Variants in AK8 observed in about 807,000 individuals in gnomAD.
The protein encoded by AK8 is adenylate kinase 8, also known as ATP-AMP transphosphorylase 8.
Under a neutral mutation model 54.6 loss-of-function variants are expected in AK8, and 44 were observed. The observed-to-expected ratio is 0.81, with a 90% CI of 0.63 to 1.04. AK8 has a LOEUF of 1.04. AK8 is among the 50% of genes least tolerant of loss of function. The probability of loss-of-function intolerance (pLI) is 0.00; values close to 1 mark genes in which losing one functional copy is unlikely to be tolerated. For synonymous variants in AK8, 239 were observed against 245.6 expected, an observed-to-expected ratio of 0.97 and a Z score of 0.25; for missense variants, 555 against 613.6, an observed-to-expected ratio of 0.90 and a Z score of 1.01.
At chr9:132,812,568 G>GCGCCCA in intron 10 of AK8, among the ~76,000 whole-genome samples, 1 of 141,196 alleles carries the variant, frequency 7.1e-6, no homozygotes, top group Admixed American at 7.0e-5. Flanking sequence ...GCGCCCGGCC[G>GCGCCCA]CTAGGTGGAT....
intron 9 of AK8, among the ~76,000 whole-genome samples, chr9:132,815,776 T>C (rs400348): frequency 0.2 from 30,978 of 152,154 alleles, 3,448 homozygotes; most frequent in East Asian, 0.44. Flanking sequence ...AAGTCCTTCC[T>C]AGCCAAAGCC....
intron 11 of AK8, among the ~76,000 whole-genome samples, chr9:132,780,900 G>T (rs1217877052): frequency 6.6e-6 from 1 of 152,126 alleles, no homozygotes; most frequent in African/African-American, 2.4e-5. Flanking sequence ...CCAAGACCTT[G>T]TGGGGGAGGG....
intron 10 of AK8, among the ~76,000 whole-genome samples, chr9:132,810,792 T>A (rs1164651325): frequency 6.6e-6 from 1 of 152,168 alleles, no homozygotes; most frequent in Non-Finnish European, 1.5e-5. Context: ...AGGGCCGCGA[T>A]GAGCCACTGT....
intron 11 of AK8, among the ~76,000 whole-genome samples, chr9:132,739,345 G>A (rs1837259618): frequency 6.8e-6 from 1 of 147,366 alleles, no homozygotes. Context: ...GGGAGACTGA[G>A]GCAGGAGAAT....
At chr9:132,789,145 A>G (rs1459408051) in intron 11 of AK8, among the ~76,000 whole-genome samples, 5 of 151,990 alleles carry the variant, frequency 3.3e-5, no homozygotes, top group Non-Finnish European at 1.5e-5. Context: ...AATACAAAAA[A>G]TTAGCCAGGC....
chr9:132,742,986 C>T (rs990262151), intron 11 of AK8, among the ~76,000 whole-genome samples: 4 of 152,228 alleles, frequency 2.6e-5, no homozygotes, highest in African/African-American at 7.2e-5. Context: ...GGTCACAGCA[C>T]TCCATTGTGA....
chr9:132,766,599 T>C (rs1173013251), intron 11 of AK8, among the ~76,000 whole-genome samples: 1 of 151,412 alleles, frequency 6.6e-6, no homozygotes, highest in African/African-American at 2.4e-5. Flanking sequence ...TTCAACATAA[T>C]CCCTATCAAA....
chr9:132,814,729 T>C lies in AK8; in HGVS notation c.890-2A>G. 1 of 1,612,092 alleles carries C rather than the reference T, an allele frequency of 6.2e-7. No individual in the cohort carries two copies. The highest frequency in any genetic ancestry group is 8.5e-7 in the Non-Finnish European group (1 of 1,179,546). Reference sequence around the variant, plus strand: ...CTTTCAGCAGTTGCCCACAGCAGACTGAAGGAGAGGGGAACAGAAAGACAC... The same window carrying C: ...CTTTCAGCAGTTGCCCACAGCAGACCGAAGGAGAGGGGAACAGAAAGACAC... On this transcript the variant is annotated splice_acceptor_variant, in intron 9 of 12. Coordinates refer to ENST00000298545, the MANE Select transcript of AK8 (RefSeq NM_152572.3). LOFTEE classifies it high-confidence loss of function.
Position 132,727,507 on chromosome 9 carries a change from A to C in AK8, c.1149T>G (p.Asp383Glu). Residue 383 changes from aspartate to glutamate, a missense_variant, in exon 12 of 13, where the codon GAT (aspartate) becomes GAG (glutamate). Asp to Glu is a conservative substitution (Grantham distance 45, BLOSUM62 2). Coordinates refer to ENST00000298545, the MANE Select transcript of AK8 (RefSeq NM_152572.3). Reference sequence around the variant, plus strand: ...TCAGAGTCAGCCGCTCCATGATGGAATCAAATGGCACATTCAGGAAAAACA... The same window carrying C: ...TCAGAGTCAGCCGCTCCATGATGGACTCAAATGGCACATTCAGGAAAAACA... ...NRVFFLNVPF[D>E]SIMERLTLRR... The C allele has an allele frequency of 6.2e-7, 1 of 1,614,062 alleles. No homozygotes were observed. Among genetic ancestry groups the C allele is most frequent in the East Asian group, 2.2e-5 (1 of 44,874 alleles).
intron 11 of AK8, among the ~76,000 whole-genome samples, chr9:132,738,436 A>C (rs949575404): frequency 6.6e-6 from 1 of 152,148 alleles, no homozygotes; most frequent in African/African-American, 2.4e-5. Flanking sequence ...TAATTTAAAA[A>C]AGTTTTAAAA....
chr9:132,758,020 C>T lies in AK8; in HGVS notation c.1122-30486G>A, dbSNP rs535291770. 4.1e-4 allele frequency among the ~76,000 whole-genome samples: 62 copies of T among 152,362 alleles called. 1 individual carries two copies. Among genetic ancestry groups the T allele is most frequent in the Middle Eastern group, 6.8e-3 (2 of 294 alleles). On this transcript the variant is annotated intron_variant, in intron 11 of 12. Transcript: ENST00000298545. ...CCTCACATCGCTGTCCTGATGTCCTCATGGTCTGCCATGTGGCATCACCCA... is the reference window on the plus strand; with the variant it reads ...CCTCACATCGCTGTCCTGATGTCCTTATGGTCTGCCATGTGGCATCACCCA...
chr9:132,811,284 T>C (rs1228858624), intron 10 of AK8, among the ~76,000 whole-genome samples: 1 of 152,172 alleles, frequency 6.6e-6, no homozygotes, highest in Non-Finnish European at 1.5e-5. Flanking sequence ...GATCTGGAGA[T>C]GAAGAGATGA....
At position 132,799,161 on chromosome 9, in the gene AK8, G is replaced by A. The variant is rs1192454123; in HGVS notation, c.980-6386C>T. 1.3e-5 allele frequency among the ~76,000 whole-genome samples: 2 copies of A among 152,156 alleles called. No homozygotes were observed. The highest frequency in any genetic ancestry group is 2.9e-5 in the Non-Finnish European group (2 of 68,036). ...GCAGGCACCAGAGGCCCCTCCTGCT[G>A]CGCCACGCCGCCGCCTGCTGTCCGC... On this transcript the variant is annotated intron_variant, in intron 10 of 12. Transcript: ENST00000298545. The surrounding 1 kb of genome is among the most constrained non-coding windows in gnomAD (Gnocchi z 5.0).
chr9:132,787,051 G>A (rs1000022193), intron 11 of AK8, among the ~76,000 whole-genome samples: 1 of 151,964 alleles, frequency 6.6e-6, no homozygotes, highest in Non-Finnish European at 1.5e-5. Flanking sequence ...AAATCTCCCA[G>A]AAAGTAGAGC....
intron 11 of AK8, among the ~76,000 whole-genome samples, chr9:132,758,963 T>G (rs1001475716): frequency 4.0e-5 from 6 of 151,894 alleles, no homozygotes; most frequent in Admixed American, 3.3e-4. Context: ...TTTGGGAGGC[T>G]GAGGTGGGAG....
intron 5 of AK8, among the ~76,000 whole-genome samples, chr9:132,852,169 T>A (rs548111724): frequency 6.6e-6 from 1 of 152,130 alleles, no homozygotes. Flanking sequence ...CACATGTGAC[T>A]GATAGAGAGT....
intron 11 of AK8, 192 bp from the exon 12 acceptor site, chr9:132,727,726 C>A (rs577725566): frequency 1.1e-4 from 43 of 397,620 alleles, no homozygotes; most frequent in South Asian, 1.0e-3. Context: ...CTGTGTCCCC[C>A]CAACCGCCTC....
chr9:132,828,563 C>G, intron 6 of AK8, 82 bp downstream of exon 6: 1 of 1,266,282 alleles, frequency 7.9e-7, no homozygotes, highest in African/African-American at 1.5e-5. Flanking sequence ...AGGTCAGGAG[C>G]AGGCAGCATG....
intron 5 of AK8, among the ~76,000 whole-genome samples, chr9:132,838,983 G>A (rs1039343540): frequency 3.3e-5 from 5 of 152,054 alleles, no homozygotes; most frequent in African/African-American, 9.7e-5. Flanking sequence ...TCCAACTGTC[G>A]CCCAGATGGA....
Sources: gnomAD v4.1 joint callset for allele counts (sites outside exome capture counted in the v4.1 genomes callset) on GRCh38, gnomAD v4.1.1 for gene constraint, Gnocchi (gnomAD v3.1) non-coding constraint, MANE v1.5 for transcripts, NCBI Gene and HGNC (gene_info 2026-07-23, HGNC 2026-07-21) for gene names.